The following RNF144A variants were observed in gnomAD, a reference collection of about 807,000 sequenced individuals.
The protein encoded by RNF144A is ring finger protein 144A.
In RNF144A, 11 loss-of-function variants were observed where a neutral mutation model predicts 38.7. That is an observed-to-expected ratio of 0.28 (90% CI 0.18 to 0.47). The LOEUF is 0.47. Among genes scored for constraint, RNF144A ranks in the 20% least tolerant of loss-of-function variants. The pLI is 0.99. For missense variants in RNF144A, 316 were observed against 377.2 expected, an observed-to-expected ratio of 0.84 and a Z score of 1.34; for synonymous variants, 149 against 143.9, an observed-to-expected ratio of 1.04 and a Z score of -0.25.
intron 6 of RNF144A, among the ~76,000 whole-genome samples, chr2:7,058,610 C>T (rs1352977170): frequency 6.6e-6 from 1 of 152,102 alleles, no homozygotes; most frequent in Non-Finnish European, 1.5e-5. Flanking sequence ...TTAAACATAG[C>T]TCTAATAATA....
chr2:7,010,171 G>A (rs1670701681), intron 3 of RNF144A, among the ~76,000 whole-genome samples: 1 of 152,152 alleles, frequency 6.6e-6, no homozygotes, highest in South Asian at 2.1e-4. Context: ...GCTGTCTCCG[G>A]GGTACTGGAG....
chr2:7,062,755 T>A (rs1674019318), intron 6 of RNF144A: 1 of 152,266 alleles, frequency 6.6e-6, no homozygotes, highest in East Asian at 1.9e-4. Context: ...GCAGAGTCTC[T>A]CCCCTGCCCA....
At chr2:6,922,076 C>T (rs767462246) in intron 1 of RNF144A, among the ~76,000 whole-genome samples, 27 of 152,156 alleles carry the variant, frequency 1.8e-4, no homozygotes, top group African/African-American at 6.3e-4. Flanking sequence ...TGTTTTGGAG[C>T]GTCTTTCCCT....
intron 2 of RNF144A, among the ~76,000 whole-genome samples, chr2:6,984,531 T>C (rs1424112765): frequency 6.6e-6 from 1 of 152,148 alleles, no homozygotes; most frequent in Non-Finnish European, 1.5e-5. Context: ...CTCGAGCTCC[T>C]GACCTCATGA....
chr2:6,969,988 C>T (rs1260296354), intron 2 of RNF144A, among the ~76,000 whole-genome samples: 1 of 152,130 alleles, frequency 6.6e-6, no homozygotes, highest in Non-Finnish European at 1.5e-5. Flanking sequence ...TCTCGATCTC[C>T]TGACCTTGTG....
rs1469709310 is a variant in RNF144A at position 6,944,398 on chromosome 2, TC to T, written c.-12+3253del. Reference sequence around the variant, plus strand: ...AAGGGCTGCTGGAGAGATCTTCCCCTCCACTTACCCGATTGCCTACTTACCC... The same window carrying T: ...AAGGGCTGCTGGAGAGATCTTCCCCTCACTTACCCGATTGCCTACTTACCC... On this transcript the variant is annotated intron_variant, in intron 2 of 8. Coordinates refer to ENST00000320892, the MANE Select transcript of RNF144A (RefSeq NM_014746.6). The surrounding 1 kb of genome is among the most constrained non-coding windows in gnomAD (Gnocchi z 4.7). 6.6e-6 allele frequency among the ~76,000 whole-genome samples: 1 copy of T among 152,026 alleles called. No individual in the cohort carries two copies.
intron 6 of RNF144A, among the ~76,000 whole-genome samples, chr2:7,058,282 G>A (rs1163534602): frequency 1.3e-5 from 2 of 151,214 alleles, no homozygotes; most frequent in Non-Finnish European, 2.9e-5. Flanking sequence ...AAGCCACGAG[G>A]GTAACATGAG....
In RNF144A at chr2:6,944,787, T is replaced by C. The variant is rs1666229332; in HGVS notation, c.-12+3640T>C. ...CCAGGACGCTGTGTTTGGGAATCTG[T>C]CTCAAACAAATTCCAAGAACTGTGA... is the stretch of plus-strand genomic sequence containing the variant. On this transcript the variant is annotated intron_variant, in intron 2 of 8. Transcript: ENST00000320892. This position sits in a 1 kb window ranked among gnomAD's most constrained non-coding sequence, Gnocchi z 4.7. Among the ~76,000 whole-genome samples the C allele has an allele frequency of 1.3e-5, 2 of 152,132 alleles. No individual in the cohort carries two copies. The highest frequency in any genetic ancestry group is 1.3e-4 in the Admixed American group (2 of 15,278).
chr2:6,991,535 G>C (rs1403790407), intron 2 of RNF144A, among the ~76,000 whole-genome samples: 1 of 152,118 alleles, frequency 6.6e-6, no homozygotes, highest in Non-Finnish European at 1.5e-5. Flanking sequence ...ATACAGAGGA[G>C]GTGTAGCACA....
chr2:6,923,758 G>A (rs973532072), intron 1 of RNF144A, among the ~76,000 whole-genome samples: 1 of 151,848 alleles, frequency 6.6e-6, no homozygotes, highest in Admixed American at 6.6e-5. Flanking sequence ...GTCTTCCCAG[G>A]CACAAATGTT....
chr2:7,049,828 A>G (rs1156601184), intron 6 of RNF144A, among the ~76,000 whole-genome samples: 1 of 152,206 alleles, frequency 6.6e-6, no homozygotes, highest in Non-Finnish European at 1.5e-5. Context: ...TTGCAAATAC[A>G]AGCAAATGCA....
At chr2:6,948,138 G>A (rs752735327) in intron 2 of RNF144A, among the ~76,000 whole-genome samples, 6 of 152,306 alleles carry the variant, frequency 3.9e-5, no homozygotes, top group South Asian at 2.1e-4. Flanking sequence ...GTTGCTCCCA[G>A]CTGCAAGGAA....
chr2:7,044,709 C>T (rs1324308899), downstream of RNF144A, among the ~76,000 whole-genome samples: 2 of 152,184 alleles, frequency 1.3e-5, no homozygotes, highest in African/African-American at 4.8e-5. Flanking sequence ...CCTTGATTTT[C>T]ATTCACCTCA....
intron 6 of RNF144A, among the ~76,000 whole-genome samples, chr2:7,057,071 A>G (rs1022472568): frequency 2.0e-5 from 3 of 152,110 alleles, no homozygotes; most frequent in Admixed American, 6.5e-5. Context: ...CATCAACAGG[A>G]GGTGAGAAGG....
At chr2:6,995,143 C>G (rs1343097819) in intron 2 of RNF144A, among the ~76,000 whole-genome samples, 1 of 152,130 alleles carries the variant, frequency 6.6e-6, no homozygotes, top group East Asian at 1.9e-4. Flanking sequence ...GTTTTCCTAA[C>G]TAAATATTAG....
chr2:6,949,433 GA>G (rs2103310924), intron 2 of RNF144A, among the ~76,000 whole-genome samples: 1 of 119,718 alleles, frequency 8.4e-6, no homozygotes, highest in South Asian at 3.0e-4. Context: ...AGGAAATCAA[GA>G]AACTTCTGGT....
the RNF144A span, among the ~76,000 whole-genome samples, chr2:7,075,286 C>A: frequency 2.0e-5 from 3 of 151,470 alleles, no homozygotes; most frequent in Admixed American, 6.6e-5. Context: ...GAACATCCCC[C>A]CCCCCACACA....
At chr2:6,963,436 A>G (rs768214211) in intron 2 of RNF144A, among the ~76,000 whole-genome samples, 4 of 152,192 alleles carry the variant, frequency 2.6e-5, no homozygotes, top group Non-Finnish European at 4.4e-5. Flanking sequence ...ATTCCTTGTC[A>G]CACAATTAAA....
chr2:6,935,032 G>T (rs1455182664), intron 1 of RNF144A, among the ~76,000 whole-genome samples: 2 of 151,930 alleles, frequency 1.3e-5, no homozygotes, highest in African/African-American at 4.8e-5. Flanking sequence ...CCAGGCCATT[G>T]CACCTTCTTC....
Sources: gnomAD v4.1 joint callset for allele counts (sites outside exome capture counted in the v4.1 genomes callset) on GRCh38, gnomAD v4.1.1 for gene constraint, Gnocchi (gnomAD v3.1) non-coding constraint, MANE v1.5 for transcripts, NCBI Gene and HGNC (gene_info 2026-07-23, HGNC 2026-07-21) for gene names.